Variants in MLF1 observed in about 807,000 individuals in gnomAD.
The protein encoded by MLF1 is myeloid leukemia factor 1, also known as myelodysplasia-myeloid leukemia factor 1.
MLF1 carries 37 observed loss-of-function variants against 38.3 expected under a neutral mutation model. That is an observed-to-expected ratio of 0.96 (90% CI 0.74 to 1.27). The LOEUF is 1.27. Among genes scored for constraint, MLF1 ranks in the 50% most tolerant of loss-of-function variants. The pLI is 0.00. For missense variants in MLF1, 331 were observed against 349.2 expected (o/e 0.95, Z 0.42); for synonymous variants, 95 against 106.5 (o/e 0.89, Z 0.66).
At chr3:158,589,051 G>A in intron 1 of MLF1, 1 of 359,994 alleles carries the variant, frequency 2.8e-6, no homozygotes, top group Non-Finnish European at 5.5e-6. Context: ...TGGTTGCAGT[G>A]GAGATTTTTC....
At chr3:158,571,372 G>A in intron 1 of MLF1, 25 bp downstream of exon 1, 1 of 1,612,900 alleles carries the variant, frequency 6.2e-7, no homozygotes, top group Admixed American at 1.7e-5. Flanking sequence ...CCAGGAGTCC[G>A]GGGTCGCGCG....
intron 1 of MLF1, among the ~76,000 whole-genome samples, chr3:158,576,912 T>TA (rs1379158131): frequency 6.6e-6 from 1 of 152,216 alleles, no homozygotes; most frequent in East Asian, 1.9e-4. Context: ...GATCTCGTGA[T>TA]ATGCTGGCCT....
chr3:158,600,277 A>G (rs1224394487), intron 6 of MLF1, 104 bp downstream of exon 6: 1 of 563,710 alleles, frequency 1.8e-6, no homozygotes, highest in Non-Finnish European at 2.7e-6. Context: ...TAGTTTTTGA[A>G]TAATGCATGT....
At chr3:158,581,393 A>C (rs1476714391) in intron 1 of MLF1, among the ~76,000 whole-genome samples, 1 of 152,220 alleles carries the variant, frequency 6.6e-6, no homozygotes, top group East Asian at 1.9e-4. Flanking sequence ...CAAGGCCTGC[A>C]GTCAAGAGAA....
chr3:158,604,604 G>A (rs1243809093), intron 7 of MLF1, among the ~76,000 whole-genome samples: 2 of 152,142 alleles, frequency 1.3e-5, no homozygotes, highest in Non-Finnish European at 2.9e-5. Context: ...AGCTGTTGCT[G>A]TCTTAAATTC....
At chr3:158,578,141 GACC>G (rs1715743812) in intron 1 of MLF1, among the ~76,000 whole-genome samples, 1 of 151,824 alleles carries the variant, frequency 6.6e-6, no homozygotes, top group African/African-American at 2.4e-5. Flanking sequence ...TTTCCTTATA[GACC>G]AGTCTACCTC....
At chr3:158,576,753 A>C (rs906352523) in intron 1 of MLF1, among the ~76,000 whole-genome samples, 10 of 150,636 alleles carry the variant, frequency 6.6e-5, no homozygotes, top group African/African-American at 2.4e-4. Flanking sequence ...CCTCACTGCA[A>C]CCTCTGCCTC....
intron 1 of MLF1, among the ~76,000 whole-genome samples, chr3:158,589,418 GC>G (rs2108606654): frequency 6.6e-6 from 1 of 152,050 alleles, no homozygotes; most frequent in African/African-American, 2.4e-5. Context: ...CACCATGTTG[GC>G]CAGGCTCTTC....
At chr3:158,584,271 A>G (rs1716860373) in intron 1 of MLF1, among the ~76,000 whole-genome samples, 1 of 152,242 alleles carries the variant, frequency 6.6e-6, no homozygotes, top group African/African-American at 2.4e-5. Flanking sequence ...TTAACCACGT[A>G]TGCATAAGAC....
rs1191119970 is a variant in MLF1 at position 158,606,093 on chromosome 3, ATGGGTG to A, written c.*893_*898del. Reference sequence around the variant, plus strand: ...TGTCTCAAAATCTGTTAGACAGCTGATGGGTGTTTTTGAGCAACGTCTTAATAATTC... The same window carrying A: ...TGTCTCAAAATCTGTTAGACAGCTGATTTTTGAGCAACGTCTTAATAATTC... On this transcript the variant is annotated 3_prime_UTR_variant, in exon 8 of 8. Transcript: ENST00000466246. The A allele has an allele frequency of 5.5e-6, 1 of 181,190 alleles. No homozygotes were observed. The highest frequency in any genetic ancestry group is 9.1e-5 in the East Asian group (1 of 10,958). The allele number at this position is 181,190 out of a possible 1,614,324, so 11.2% of individuals were successfully genotyped here.
intron 7 of MLF1, among the ~76,000 whole-genome samples, chr3:158,603,395 C>T (rs1161118936): frequency 6.6e-6 from 1 of 152,146 alleles, no homozygotes; most frequent in Non-Finnish European, 1.5e-5. Flanking sequence ...ATTTCAGACA[C>T]TTGTATAATA....
chr3:158,597,024 T>C, intron 4 of MLF1, 79 bp downstream of exon 4: 1 of 833,282 alleles, frequency 1.2e-6, no homozygotes, highest in Admixed American at 2.4e-5. Context: ...TCAAACACTT[T>C]TTTAACCATA....
intron 7 of MLF1, among the ~76,000 whole-genome samples, chr3:158,604,407 A>G (rs1560114898): frequency 6.6e-6 from 1 of 152,202 alleles, no homozygotes; most frequent in South Asian, 2.1e-4. Context: ...AATGCTATAT[A>G]TCTATTCTGT....
intron 4 of MLF1, among the ~76,000 whole-genome samples, chr3:158,597,838 G>C (rs1361048788): frequency 6.6e-6 from 1 of 152,138 alleles, no homozygotes; most frequent in Non-Finnish European, 1.5e-5. Context: ...TTTGTAACGA[G>C]AGTGGGATAA....
chr3:158,600,233 G>C, intron 6 of MLF1, 60 bp downstream of exon 6: 2 of 1,073,242 alleles, frequency 1.9e-6, no homozygotes, highest in South Asian at 3.5e-5. Flanking sequence ...AGCCGTACTT[G>C]ATGAATTTTT....
intron 4 of MLF1, 76 bp downstream of exon 4, chr3:158,597,021 CTT>C (rs1325055755): frequency 1.1e-6 from 1 of 869,752 alleles, no homozygotes; most frequent in Admixed American, 2.4e-5. Context: ...CTTTCAAACA[CTT>C]TTTTAACCAT....
chr3:158,579,168 A>G (rs779400061), intron 1 of MLF1, among the ~76,000 whole-genome samples: 2 of 152,186 alleles, frequency 1.3e-5, no homozygotes, highest in Non-Finnish European at 2.9e-5. Flanking sequence ...TTGTTTTCCT[A>G]GAAGAATGAA....
intron 1 of MLF1, among the ~76,000 whole-genome samples, 196 bp from the exon 2 acceptor site, chr3:158,592,238 G>T (rs1718259933): frequency 6.6e-6 from 1 of 152,078 alleles, no homozygotes; most frequent in Non-Finnish European, 1.5e-5. Context: ...TTAAACCATT[G>T]TAAGTAGGGA....
At chr3:158,580,519 C>T (rs934763967) in intron 1 of MLF1, among the ~76,000 whole-genome samples, 6 of 152,048 alleles carry the variant, frequency 3.9e-5, no homozygotes, top group African/African-American at 7.2e-5. Context: ...TATAAATTGT[C>T]ACAACTTCTT....
Sources: gnomAD v4.1 joint callset for allele counts (sites outside exome capture counted in the v4.1 genomes callset) on GRCh38, gnomAD v4.1.1 for gene constraint, MANE v1.5 for transcripts, NCBI Gene and HGNC (gene_info 2026-07-23, HGNC 2026-07-21) for gene names.